TMEM132D: variants seen among roughly 807,000 people sequenced by gnomAD.
TMEM132D encodes the protein mature OL transmembrane protein.
A neutral mutation model predicts 62.3 loss-of-function variants in TMEM132D; 21 were observed. The ratio of observed to expected loss-of-function variants is 0.34; its 90% CI spans 0.24 to 0.49. The LOEUF (loss-of-function observed/expected upper bound fraction) is 0.49. Ranked by LOEUF, TMEM132D falls within the 20% of genes least tolerant of loss-of-function variation. TMEM132D has a pLI of 0.99. For missense variants in TMEM132D, 1,346 were observed against 1,402.8 expected, an observed-to-expected ratio of 0.96 and a Z score of 0.65; for synonymous variants, 621 against 575.6, an observed-to-expected ratio of 1.08 and a Z score of -1.13.
chr12:129,408,517 G>A (rs1871866074), intron 3 of TMEM132D, among the ~76,000 whole-genome samples: 1 of 151,366 alleles, frequency 6.6e-6, no homozygotes, highest in Admixed American at 6.6e-5. Context: ...AGCAAAGTTG[G>A]GGAGTGCTTT....
At chr12:129,196,818 A>G (rs1012605970) in intron 5 of TMEM132D, among the ~76,000 whole-genome samples, 1 of 152,166 alleles carries the variant, frequency 6.6e-6, no homozygotes, top group African/African-American at 2.4e-5. Flanking sequence ...TGATATATAC[A>G]ATCTCACCTA....
chr12:129,337,451 AC>A (rs1332132120), intron 4 of TMEM132D, among the ~76,000 whole-genome samples, 182 bp downstream of exon 4: 1 of 143,578 alleles, frequency 7.0e-6, no homozygotes, highest in African/African-American at 2.9e-5. Flanking sequence ...GCACACACAC[AC>A]ACACACACAC....
chr12:129,753,414 T>G (rs1745497766), intron 1 of TMEM132D, among the ~76,000 whole-genome samples: 1 of 152,230 alleles, frequency 6.6e-6, no homozygotes, highest in Admixed American at 6.5e-5. Context: ...TGAAACTTAA[T>G]CTAATTGATT....
intron 1 of TMEM132D, among the ~76,000 whole-genome samples, chr12:129,868,615 C>A (rs1281240364): frequency 6.6e-6 from 1 of 152,310 alleles, no homozygotes; most frequent in Admixed American, 6.5e-5. Context: ...AACCCATTCT[C>A]TATGCCCTGT....
chr12:129,099,609 C>T (rs541182051), intron 5 of TMEM132D, among the ~76,000 whole-genome samples: 4 of 152,174 alleles, frequency 2.6e-5, no homozygotes, highest in Non-Finnish European at 4.4e-5. Context: ...CACGGGTGGC[C>T]GTGTTGAACA....
chr12:129,511,393 C>T (rs1436149882), intron 3 of TMEM132D, among the ~76,000 whole-genome samples: 5 of 152,162 alleles, frequency 3.3e-5, no homozygotes, highest in Non-Finnish European at 7.4e-5. Context: ...GAATCTTATT[C>T]CATTTATGGA....
At position 129,079,979 on chromosome 12, in the gene TMEM132D, A is replaced by G. The variant is rs80161875; in HGVS notation, c.1924-1254T>C. ...GGCTTTTCCCCTTTGCACTTAAATT[A>G]TCACTTAAGGGAAGATGTTAATACC... On this transcript the variant is annotated intron_variant, in intron 7 of 8. Transcript: ENST00000422113. Among the ~76,000 whole-genome samples, 2,661 of 152,268 alleles carry G rather than the reference A, an allele frequency of 0.017. 158 individuals carry two copies. In the East Asian group the frequency reaches 0.21, roughly 12 times the overall value.
At chr12:129,231,768 C>A (rs1256841904) in intron 4 of TMEM132D, among the ~76,000 whole-genome samples, 1 of 152,150 alleles carries the variant, frequency 6.6e-6, no homozygotes. Flanking sequence ...GTGACCCTAA[C>A]TATGGCCAAC....
Position 129,078,557 on chromosome 12 carries a change from C to T in TMEM132D, c.2092G>A (p.Glu698Lys), listed in dbSNP as rs1380549375. 36 of 1,613,880 alleles carry T rather than the reference C, an allele frequency of 2.2e-5. No homozygotes were observed. Among genetic ancestry groups the T allele is most frequent in the Middle Eastern group, 1.7e-4 (1 of 6,010 alleles). ...RAIFATAVAQELLQRPKQEAA... is the reference protein window; with the variant it reads ...RAIFATAVAQKLLQRPKQEAA... Reference sequence around the variant, plus strand: ...ACCTGTTTTGGCCTCTGCAGAAGTTCCTGAGCCACTGCAGTGGCAAAGATG... The same window carrying T: ...ACCTGTTTTGGCCTCTGCAGAAGTTTCTGAGCCACTGCAGTGGCAAAGATG... The change falls in exon 8 of 9, where the codon GAA becomes AAA. Residue 698 changes from glutamate to lysine, a missense_variant. Transcript: ENST00000422113.
rs528051712 is a variant in TMEM132D, at chr12:129,089,411, A to G, written c.1444-4709T>C. Among the ~76,000 whole-genome samples, 75 of 29,140 alleles carry G rather than the reference A, an allele frequency of 2.6e-3. 8 individuals carry two copies. Among genetic ancestry groups the G allele is most frequent in the African/African-American group, 3.8e-3 (10 of 2,662 alleles). 19.1% of individuals were successfully genotyped at this position (29,140 alleles called of 152,430 possible). A position where few individuals can be genotyped will look rare whatever the true frequency, so the allele number is the denominator to read the frequency against. ...TGACCGGGTGTCCTCCCTGACCGGG[A>G]TGTCCTCCATGACCGGGGTGTCCTC... On this transcript the variant is annotated intron_variant, in intron 5 of 8. Transcript: ENST00000422113.
chr12:129,706,896 CTAA>C (rs1881518834), intron 1 of TMEM132D, among the ~76,000 whole-genome samples: 1 of 151,562 alleles, frequency 6.6e-6, no homozygotes, highest in Non-Finnish European at 1.5e-5. Context: ...TTACAAGCTG[CTAA>C]TAATGGCAAT....
At chr12:129,638,460 A>C (rs1251336156) in intron 2 of TMEM132D, among the ~76,000 whole-genome samples, 2 of 150,320 alleles carry the variant, frequency 1.3e-5, no homozygotes, top group Non-Finnish European at 3.0e-5. Flanking sequence ...TTCATTGAAA[A>C]AAAATCACAC....
intron 1 of TMEM132D, among the ~76,000 whole-genome samples, chr12:129,839,268 T>C (rs1873107623): frequency 1.3e-5 from 2 of 151,682 alleles, no homozygotes; most frequent in Non-Finnish European, 2.9e-5. Flanking sequence ...CAGCTGGGAT[T>C]ACAGGTGTGT....
At chr12:129,336,589 C>T (rs1468151947) in intron 4 of TMEM132D, among the ~76,000 whole-genome samples, 1 of 150,522 alleles carries the variant, frequency 6.6e-6, no homozygotes, top group Non-Finnish European at 1.5e-5. Flanking sequence ...AAAAAAAGAA[C>T]ATTACATGTA....
At chr12:129,578,052 T>G (rs542287492) in intron 2 of TMEM132D, among the ~76,000 whole-genome samples, 20 of 152,334 alleles carry the variant, frequency 1.3e-4, no homozygotes, top group Admixed American at 1.2e-3. Context: ...TCTCTCTCTC[T>G]CTCTTCTTGA....
chr12:129,108,416 G>A (rs1875572396), intron 5 of TMEM132D, among the ~76,000 whole-genome samples: 1 of 152,156 alleles, frequency 6.6e-6, no homozygotes, highest in African/African-American at 2.4e-5. Flanking sequence ...TCCTGGGTTT[G>A]GGAAGATGAC....
intron 2 of TMEM132D, among the ~76,000 whole-genome samples, chr12:129,673,560 C>T (rs1418418350): frequency 6.6e-6 from 1 of 152,170 alleles, no homozygotes; most frequent in Non-Finnish European, 1.5e-5. Flanking sequence ...AACTAGCCCC[C>T]ATTCTCCTAG....
At chr12:129,226,769 A>T (rs934240072) in intron 4 of TMEM132D, among the ~76,000 whole-genome samples, 4 of 152,156 alleles carry the variant, frequency 2.6e-5, no homozygotes, top group Admixed American at 1.3e-4. Context: ...CACTGGCCTA[A>T]GGGCTCCCCT....
rs966607537 is a variant in TMEM132D at position 129,476,564 on chromosome 12, G to T, written c.1115+54495C>A. Among the ~76,000 whole-genome samples, 4 of 152,242 alleles carry T rather than the reference G, an allele frequency of 2.6e-5. No individual in the cohort carries two copies. The South Asian group carries it at 8.3e-4, about 32-fold the overall frequency. The stretch of plus-strand genomic sequence containing the variant: ...CTTCCCAACACTCCTTGGGTCCAGG[G>T]GATGGCCCCTAATGCCCAAGTTCAC... On this transcript the variant is annotated intron_variant, in intron 3 of 8. Coordinates refer to ENST00000422113, the MANE Select transcript of TMEM132D (RefSeq NM_133448.3).
Sources: allele counts gnomAD v4.1 joint callset (sites outside exome capture counted in the v4.1 genomes callset), GRCh38; gene constraint gnomAD v4.1.1; transcripts MANE v1.5; gene names NCBI Gene and HGNC (gene_info 2026-07-23, HGNC 2026-07-21).